Variants in KHDC1 observed in about 807,000 individuals in gnomAD.
The protein encoded by KHDC1 is KH domain containing 1.
A neutral mutation model predicts 24.7 loss-of-function variants in KHDC1; 21 were observed. That is an observed-to-expected ratio of 0.85 (90% CI 0.60 to 1.23). The LOEUF is 1.23. Among genes scored for constraint, KHDC1 ranks in the 50% most tolerant of loss-of-function variants. The pLI is 0.00. For missense variants in KHDC1, 274 were observed against 298.5 expected (o/e 0.92, Z 0.61); for synonymous variants, 98 against 111.7 (o/e 0.88, Z 0.77).
At position 73,247,728 on chromosome 6, in the gene KHDC1, G is replaced by C. The variant is rs530133307; in HGVS notation, c.207-5198C>G. 3.3e-5 allele frequency among the ~76,000 whole-genome samples: 5 copies of C among 152,016 alleles called. No individual in the cohort carries two copies. In the East Asian group the frequency reaches 9.7e-4, roughly 29 times the overall value. ...AAAAATTAGCCGGGCATAGTGGCAC[G>C]CATCTGTAATCTCAGCTACTCGGGA... On this transcript the variant is annotated intron_variant, in intron 2 of 4. Transcript: ENST00000370384.
chr6:73,276,740 C>T (rs72949756), intron 2 of KHDC1, among the ~76,000 whole-genome samples: 2,626 of 152,268 alleles, frequency 0.017, 30 homozygotes, highest in Middle Eastern at 0.034. Context: ...CCTTGGCCTC[C>T]GAGGCCCTGT....
intron 2 of KHDC1, among the ~76,000 whole-genome samples, chr6:73,261,422 A>G (rs553614314): frequency 1.3e-5 from 2 of 152,160 alleles, no homozygotes; most frequent in East Asian, 3.9e-4. Context: ...TGACAGAGCT[A>G]GACTCTGTCT....
chr6:73,285,565 A>G (rs13219250), intron 2 of KHDC1, among the ~76,000 whole-genome samples: 35,658 of 151,566 alleles, frequency 0.24, 4,875 homozygotes, highest in African/African-American at 0.37. Context: ...AACTCCTGAC[A>G]TCAGGTGATC....
intron 2 of KHDC1, among the ~76,000 whole-genome samples, chr6:73,278,128 T>C (rs1005939147): frequency 1.3e-5 from 2 of 150,392 alleles, no homozygotes; most frequent in Non-Finnish European, 3.0e-5. Context: ...TCTCCTGCCT[T>C]AGCCTCCTGA....
chr6:73,264,136 C>T (rs775614016), intron 2 of KHDC1, among the ~76,000 whole-genome samples: 24 of 152,138 alleles, frequency 1.6e-4, no homozygotes, highest in Non-Finnish European at 3.2e-4. Flanking sequence ...GAGTTTGAGG[C>T]TGCTGTGAGC....
At chr6:73,307,470 G>C (rs979132773) in intron 1 of KHDC1, among the ~76,000 whole-genome samples, 1 of 152,048 alleles carries the variant, frequency 6.6e-6, no homozygotes, top group Non-Finnish European at 1.5e-5. Flanking sequence ...AATCATTAGA[G>C]CATTATTTAA....
At chr6:73,271,792 T>C (rs1004447632) in intron 2 of KHDC1, among the ~76,000 whole-genome samples, 1 of 150,812 alleles carries the variant, frequency 6.6e-6, no homozygotes, top group African/African-American at 2.4e-5. Flanking sequence ...TACTAGGGGG[T>C]GCTGAGGCAG....
chr6:73,241,423 G>C, exon 5 of KHDC1: 1 of 1,049,396 alleles, frequency 9.5e-7, no homozygotes. Flanking sequence ...GACAGGTCCC[G>C]GCCACAAGTT....
At chr6:73,300,646 A>T (rs1321683568) in intron 1 of KHDC1, 1 of 152,144 alleles carries the variant, frequency 6.6e-6, no homozygotes, top group Admixed American at 6.6e-5. Context: ...TGTTGAATGA[A>T]AGACTAGACA....
chr6:73,243,378 G>A (rs927851664), intron 2 of KHDC1, among the ~76,000 whole-genome samples: 9 of 152,054 alleles, frequency 5.9e-5, no homozygotes, highest in African/African-American at 2.2e-4. Context: ...TTTGACCAAA[G>A]ACAAAGTCAG....
At chr6:73,266,207 C>T (rs1767076954) in intron 2 of KHDC1, among the ~76,000 whole-genome samples, 1 of 152,166 alleles carries the variant, frequency 6.6e-6, no homozygotes, top group Admixed American at 6.6e-5. Context: ...TTTGGCCTGA[C>T]TTATATAACA....
At chr6:73,263,014 G>T in intron 2 of KHDC1, 6 of 1,020,118 alleles carry the variant, frequency 5.9e-6, no homozygotes, top group Non-Finnish European at 7.0e-6. Context: ...GTGGCGCGCC[G>T]CAGGCCTGGG....
chr6:73,242,306 C>A, intron 3 of KHDC1, 69 bp from the exon 3 acceptor site: 1 of 1,603,894 alleles, frequency 6.2e-7, no homozygotes, highest in South Asian at 1.1e-5. Flanking sequence ...AGGTGGCCTT[C>A]AGGGTAGGAA....
chr6:73,279,058 G>A (rs934143442), intron 2 of KHDC1, among the ~76,000 whole-genome samples: 13 of 152,152 alleles, frequency 8.5e-5, no homozygotes, highest in Non-Finnish European at 1.3e-4. Flanking sequence ...CTGTTACAGT[G>A]ATTGCATATT....
intron 2 of KHDC1, chr6:73,269,017 C>T (rs12529658): frequency 0.28 from 42,505 of 153,936 alleles, 6,541 homozygotes; most frequent in African/African-American, 0.41. Flanking sequence ...GCCCTTGCCC[C>T]GTGGGAAGGC....
At chr6:73,309,646 G>A (rs1475452959) in exon 1 of KHDC1, 3 of 1,550,200 alleles carry the variant, frequency 1.9e-6, no homozygotes, top group Non-Finnish European at 1.7e-6. Context: ...TGAAGATCAG[G>A]ACTCCGTATT....
At chr6:73,272,529 G>T (rs984323255) in intron 2 of KHDC1, among the ~76,000 whole-genome samples, 1 of 151,926 alleles carries the variant, frequency 6.6e-6, no homozygotes, top group Non-Finnish European at 1.5e-5. Context: ...TAATCCCAGC[G>T]CTTTGGGAGG....
At chr6:73,291,831 T>C (rs963821719) in intron 2 of KHDC1, 1 of 674,644 alleles carries the variant, frequency 1.5e-6, no homozygotes, top group African/African-American at 1.8e-5. Context: ...TTAATATTTG[T>C]GTGATGGGCA....
At chr6:73,294,196 C>CT (rs1767718297) in intron 1 of KHDC1, among the ~76,000 whole-genome samples, 1 of 152,088 alleles carries the variant, frequency 6.6e-6, no homozygotes. Context: ...TTTCCCTGTT[C>CT]TAAAACTTTA....
Sources: allele counts gnomAD v4.1 joint callset (sites outside exome capture counted in the v4.1 genomes callset), GRCh38; gene constraint gnomAD v4.1.1; transcripts MANE v1.5; gene names NCBI Gene and HGNC (gene_info 2026-07-23, HGNC 2026-07-21).